The following TSPAN14 variants were observed in gnomAD, a reference collection of about 807,000 sequenced individuals.
TSPAN14 encodes the protein tetraspanin 14.
TSPAN14 carries 16 observed loss-of-function variants against 36.6 expected under a neutral mutation model. That is an observed-to-expected ratio of 0.44 (90% confidence interval 0.30 to 0.66). The LOEUF (loss-of-function observed/expected upper bound fraction) is 0.66. Ranked by LOEUF, TSPAN14 falls within the 30% of genes least tolerant of loss-of-function variation. TSPAN14 has a pLI of 0.12. For missense variants in TSPAN14, 231 were observed against 355.1 expected, an observed-to-expected ratio of 0.65 and a Z score of 2.81; for synonymous variants, 139 against 143.8, an observed-to-expected ratio of 0.97 and a Z score of 0.24.
intron 2 of TSPAN14, among the ~76,000 whole-genome samples, chr10:80,504,524 A>G (rs2292696): frequency 0.017 from 2,654 of 152,294 alleles, 105 homozygotes; most frequent in East Asian, 0.13. Context: ...CCTGGGGCAT[A>G]GGGTCATCTG....
chr10:80,466,783 G>A (rs1846273706), intron 1 of TSPAN14, among the ~76,000 whole-genome samples: 1 of 152,186 alleles, frequency 6.6e-6, no homozygotes, highest in Non-Finnish European at 1.5e-5. Flanking sequence ...GGTGCTTGAG[G>A]CCGTTGGATT....
intron 1 of TSPAN14, among the ~76,000 whole-genome samples, chr10:80,488,629 A>G (rs1459532649): frequency 1.3e-5 from 2 of 152,080 alleles, no homozygotes; most frequent in Non-Finnish European, 2.9e-5. Flanking sequence ...TTTTCAGAAA[A>G]TGTTGCATGA....
chr10:80,517,757 C>A, intron 8 of TSPAN14, 148 bp from the exon 9 acceptor site: 2 of 743,000 alleles, frequency 2.7e-6, no homozygotes, highest in East Asian at 5.4e-5. Context: ...CTGTGCCACT[C>A]GCTCTGCGGT....
intron 3 of TSPAN14, among the ~76,000 whole-genome samples, chr10:80,506,869 G>T (rs969132150): frequency 6.6e-6 from 1 of 152,190 alleles, no homozygotes; most frequent in Non-Finnish European, 1.5e-5. Context: ...CAAATTGGGG[G>T]ACTAACAAGG....
rs929226113 is a variant in TSPAN14, at chr10:80,509,834, C to T, written c.450+363C>T. 1.8e-4 allele frequency: 36 copies of T among 197,694 alleles called. No individual in the cohort carries two copies. The Admixed American group carries it at 1.9e-3, about 11-fold the overall frequency. The allele number at this position is 197,694 out of a possible 1,614,324, so 12.2% of individuals were successfully genotyped here. A position where few individuals can be genotyped will look rare whatever the true frequency, so the allele number is the denominator to read the frequency against. On this transcript the variant is annotated intron_variant, in intron 5 of 8. Transcript: ENST00000429989. This position sits in a 1 kb window ranked among gnomAD's most constrained non-coding sequence, Gnocchi z 4.7. ...TGCATACCGTAAGGCACAGCTTCTT[C>T]CCCCCGGCTCATGACTCACCATCTG...
At chr10:80,459,747 A>G (rs1046294257) in intron 1 of TSPAN14, among the ~76,000 whole-genome samples, 1 of 152,186 alleles carries the variant, frequency 6.6e-6, no homozygotes, top group African/African-American at 2.4e-5. Context: ...GAGGCCCCAC[A>G]GCAGTGGAAG....
chr10:80,471,604 A>G (rs1208355432), intron 1 of TSPAN14, among the ~76,000 whole-genome samples: 2 of 152,246 alleles, frequency 1.3e-5, no homozygotes, highest in African/African-American at 4.8e-5. Flanking sequence ...GGGTATGGGT[A>G]TAGGACACGT....
At chr10:80,463,896 G>A (rs1846101636) in intron 1 of TSPAN14, among the ~76,000 whole-genome samples, 1 of 152,266 alleles carries the variant, frequency 6.6e-6, no homozygotes. Flanking sequence ...AGAGGTGCCA[G>A]CGTGTTGGTT....
chr10:80,495,535 G>C (rs1848155408), intron 2 of TSPAN14, among the ~76,000 whole-genome samples: 1 of 152,120 alleles, frequency 6.6e-6, no homozygotes, highest in African/African-American at 2.4e-5. Context: ...TGTGAGGCTG[G>C]GACCACCAGT....
At chr10:80,492,689 A>G (rs1348762260) in intron 2 of TSPAN14, among the ~76,000 whole-genome samples, 1 of 152,030 alleles carries the variant, frequency 6.6e-6, no homozygotes, top group Non-Finnish European at 1.5e-5. Flanking sequence ...GGTGGTGGGC[A>G]CCTGTAGCCC....
At chr10:80,520,065 A>G (rs1048265303) in exon 9 of TSPAN14, 2 of 158,242 alleles carry the variant, frequency 1.3e-5, no homozygotes, top group African/African-American at 4.8e-5. Flanking sequence ...CTGCTGCTGC[A>G]TGAGCTGTGT....
chr10:80,456,349 G>A (rs1219200773), intron 1 of TSPAN14, among the ~76,000 whole-genome samples: 2 of 152,184 alleles, frequency 1.3e-5, no homozygotes, highest in African/African-American at 2.4e-5. Flanking sequence ...GCTGCCCAGG[G>A]AATTGTCCCC....
At chr10:80,493,765 G>A (rs571965568) in intron 2 of TSPAN14, among the ~76,000 whole-genome samples, 66 of 152,340 alleles carry the variant, frequency 4.3e-4, no homozygotes, top group African/African-American at 1.5e-3. Flanking sequence ...TTGGGGAGTT[G>A]TTGGTTAGTG....
chr10:80,500,660 T>G (rs1848458853), intron 2 of TSPAN14, among the ~76,000 whole-genome samples: 1 of 152,164 alleles, frequency 6.6e-6, no homozygotes, highest in Non-Finnish European at 1.5e-5. Context: ...CAAGTCCTTA[T>G]TCTTAGAGCT....
intron 2 of TSPAN14, among the ~76,000 whole-genome samples, chr10:80,490,326 C>T (rs904634191): frequency 6.6e-6 from 1 of 152,036 alleles, no homozygotes; most frequent in Non-Finnish European, 1.5e-5. Flanking sequence ...AGGGCTGGAC[C>T]AGATGAGAGC....
At chr10:80,516,434 A>G (rs1371936263) in intron 8 of TSPAN14, 111 bp downstream of exon 8, 30 of 1,501,680 alleles carry the variant, frequency 2.0e-5, no homozygotes, top group Non-Finnish European at 2.6e-5. Flanking sequence ...GGAAGCTTGC[A>G]GAAGAAAAAA....
chr10:80,491,804 A>C (rs189716584), intron 2 of TSPAN14, among the ~76,000 whole-genome samples: 2 of 152,304 alleles, frequency 1.3e-5, no homozygotes, highest in Non-Finnish European at 2.9e-5. Context: ...GCAGAACAGG[A>C]AGGAACAAAC....
chr10:80,509,815 C>G lies in TSPAN14; in HGVS notation c.450+344C>G, dbSNP rs1840518935. On this transcript the variant is annotated intron_variant, in intron 5 of 8. Coordinates refer to ENST00000429989, the Ensembl canonical transcript of TSPAN14. This position sits in a 1 kb window ranked among gnomAD's most constrained non-coding sequence, Gnocchi z 4.7. ...TGCAATCCTCCTTAGGCGCTGCATACCGTAAGGCACAGCTTCTTCCCCCCG... is the reference window on the plus strand; with the variant it reads ...TGCAATCCTCCTTAGGCGCTGCATAGCGTAAGGCACAGCTTCTTCCCCCCG... 12 of 227,152 alleles carry G rather than the reference C, an allele frequency of 5.3e-5. No individual in the cohort carries two copies. In the South Asian group the frequency reaches 8.6e-4, roughly 16 times the overall value. 14.1% of individuals were successfully genotyped at this position (227,152 alleles called of 1,614,324 possible).
chr10:80,500,096 C>T (rs778753433), intron 2 of TSPAN14, among the ~76,000 whole-genome samples: 1 of 152,080 alleles, frequency 6.6e-6, no homozygotes, highest in Non-Finnish European at 1.5e-5. Flanking sequence ...TTCATGGGAC[C>T]GTTATGTGAG....
Sources: gnomAD v4.1 joint callset for allele counts (sites outside exome capture counted in the v4.1 genomes callset) on GRCh38, gnomAD v4.1.1 for gene constraint, Gnocchi (gnomAD v3.1) non-coding constraint, MANE v1.5 for transcripts, NCBI Gene and HGNC (gene_info 2026-07-23, HGNC 2026-07-21) for gene names.